DSCAM: variants seen among roughly 807,000 people sequenced by gnomAD.
DSCAM encodes DS cell adhesion molecule, also known as cell adhesion molecule DSCAM.
DSCAM carries 47 observed loss-of-function variants against 217.7 expected under a neutral mutation model. That is an observed-to-expected ratio of 0.22 (90% confidence interval 0.17 to 0.28). The LOEUF (loss-of-function observed/expected upper bound fraction) is 0.28, where lower values mean the gene tolerates loss of function less well. DSCAM is among the 10% of genes least tolerant of loss of function. The pLI is 1.00. For synonymous variants in DSCAM, 1,056 were observed against 1,015.3 expected, an observed-to-expected ratio of 1.04 and a Z score of -0.76; for missense variants, 2,080 against 2,618.3, an observed-to-expected ratio of 0.79 and a Z score of 4.49.
intron 3 of DSCAM, among the ~76,000 whole-genome samples, chr21:40,689,985 G>C (rs548310784): frequency 6.6e-6 from 1 of 152,292 alleles, no homozygotes; most frequent in Non-Finnish European, 1.5e-5. Flanking sequence ...TGTGGAGGGA[G>C]GGAGGGTCTT....
rs1287175782 is a variant in DSCAM at position 40,142,651 on chromosome 21, T to C, written c.3313A>G (p.Ile1105Val). 14 of 1,614,112 alleles carry C rather than the reference T, an allele frequency of 8.7e-6. No homozygotes were observed. The highest frequency in any genetic ancestry group is 4.5e-5 in the East Asian group (2 of 44,904). ...GAAAGTGTGGACCAGGATATTGATA[T>C]GCTTTCTGGTGATGTTGCTATGGCT... Reference protein sequence around the residue: ...VQAIATSPESISISWSTLSKE... With the variant: ...VQAIATSPESVSISWSTLSKE... The change falls in exon 18 of 33, where the codon ATA (isoleucine) becomes GTA (valine). Residue 1105 changes from isoleucine (I) to valine (V), a missense_variant. By Grantham distance (29) the Ile-to-Val change is conservative (BLOSUM62 3). Transcript: ENST00000400454.
chr21:40,135,743 A>G (rs2090201346), intron 18 of DSCAM, among the ~76,000 whole-genome samples: 1 of 152,234 alleles, frequency 6.6e-6, no homozygotes. Context: ...TCACAAATGA[A>G]TAGCCATGTA....
intron 3 of DSCAM, among the ~76,000 whole-genome samples, chr21:40,402,465 T>G (rs766939343): frequency 3.9e-5 from 6 of 152,130 alleles, no homozygotes. Flanking sequence ...AGTATCTGCC[T>G]AGGGAAAAAG....
chr21:40,471,995 C>G (rs909358198), intron 3 of DSCAM, among the ~76,000 whole-genome samples: 3 of 152,126 alleles, frequency 2.0e-5, no homozygotes, highest in African/African-American at 4.8e-5. Flanking sequence ...TTCCTGTGTG[C>G]AAGTGTTCTC....
At chr21:40,579,344 T>C (rs1387764951) in intron 3 of DSCAM, among the ~76,000 whole-genome samples, 1 of 151,876 alleles carries the variant, frequency 6.6e-6, no homozygotes, top group Non-Finnish European at 1.5e-5. Context: ...AAAAAGCTGA[T>C]TTGATGAAAT....
chr21:40,704,565 T>A (rs540374491), intron 2 of DSCAM, among the ~76,000 whole-genome samples: 3 of 151,888 alleles, frequency 2.0e-5, no homozygotes, highest in East Asian at 1.9e-4. Context: ...TTTTTTTTTT[T>A]AAAGAATTAG....
At chr21:40,538,678 G>T (rs1360047032) in intron 3 of DSCAM, among the ~76,000 whole-genome samples, 1 of 152,068 alleles carries the variant, frequency 6.6e-6, no homozygotes, top group Non-Finnish European at 1.5e-5. Flanking sequence ...TTTCCTCCCA[G>T]TGTGGTCCTT....
At chr21:40,325,175 T>C (rs1259933991) in intron 8 of DSCAM, among the ~76,000 whole-genome samples, 1 of 152,128 alleles carries the variant, frequency 6.6e-6, no homozygotes, top group African/African-American at 2.4e-5. Flanking sequence ...AGTGCTGAAA[T>C]ATGTTACAGT....
intron 18 of DSCAM, among the ~76,000 whole-genome samples, chr21:40,135,781 T>C (rs2090201832): frequency 6.6e-6 from 1 of 152,238 alleles, no homozygotes; most frequent in Non-Finnish European, 1.5e-5. Flanking sequence ...CTGTGGAACA[T>C]CTTTTGTTCA....
At chr21:40,643,350 C>A (rs1168558462) in intron 3 of DSCAM, among the ~76,000 whole-genome samples, 1 of 152,114 alleles carries the variant, frequency 6.6e-6, no homozygotes. Flanking sequence ...TGTTTGAGAA[C>A]AGAAATTTTG....
At chr21:40,110,785 T>C (rs1269883593) in intron 20 of DSCAM, among the ~76,000 whole-genome samples, 1 of 152,178 alleles carries the variant, frequency 6.6e-6, no homozygotes, top group South Asian at 2.1e-4. Flanking sequence ...CCTCAGTAGC[T>C]GATTCAATCA....
intron 10 of DSCAM, among the ~76,000 whole-genome samples, chr21:40,292,436 A>G (rs1330551343): frequency 6.6e-6 from 1 of 152,058 alleles, no homozygotes; most frequent in African/African-American, 2.4e-5. Flanking sequence ...CTTAAGAAAT[A>G]GATTTACTGC....
At position 40,223,444 on chromosome 21, in the gene DSCAM, A is replaced by G. The variant is rs542998482; in HGVS notation, c.2357-34206T>C. On this transcript the variant is annotated intron_variant, in intron 11 of 32. Transcript: ENST00000400454. ...ACATTCTTTTCTTGCAGCATGACAT[A>G]TGGGCTTCCTAAACACAGGTAAAAA... Among the ~76,000 whole-genome samples the G allele has an allele frequency of 8.5e-5, 13 of 152,326 alleles. No homozygotes were observed. The East Asian group carries it at 1.9e-3, about 23-fold the overall frequency.
At chr21:40,354,705 T>C (rs1047064161) in intron 4 of DSCAM, among the ~76,000 whole-genome samples, 1 of 151,448 alleles carries the variant, frequency 6.6e-6, no homozygotes, top group African/African-American at 2.4e-5. Context: ...AAAAATTAGC[T>C]GGGTGTGGTG....
At chr21:40,588,044 C>A (rs1003002094) in intron 3 of DSCAM, among the ~76,000 whole-genome samples, 3 of 152,124 alleles carry the variant, frequency 2.0e-5, no homozygotes, top group African/African-American at 7.2e-5. Context: ...CAGAGATTTG[C>A]AAAATTGGTA....
chr21:40,376,088 T>A (rs2074947172), intron 3 of DSCAM, among the ~76,000 whole-genome samples: 1 of 152,158 alleles, frequency 6.6e-6, no homozygotes. Flanking sequence ...TTAGAGCTCT[T>A]GTTGTTGTGT....
At chr21:40,359,952 A>G (rs2074739651) in intron 4 of DSCAM, among the ~76,000 whole-genome samples, 2 of 152,174 alleles carry the variant, frequency 1.3e-5, no homozygotes, top group Admixed American at 6.5e-5. Flanking sequence ...CTACCTCTCA[A>G]CAAAACTGTT....
At chr21:40,517,018 T>C (rs936433837) in intron 3 of DSCAM, among the ~76,000 whole-genome samples, 1 of 147,436 alleles carries the variant, frequency 6.8e-6, no homozygotes, top group Non-Finnish European at 1.5e-5. Flanking sequence ...ATACCTTACA[T>C]ACTAACATAT....
intron 32 of DSCAM, among the ~76,000 whole-genome samples, chr21:40,022,342 C>T (rs1443348676): frequency 3.3e-5 from 5 of 152,144 alleles, no homozygotes; most frequent in African/African-American, 7.2e-5. Flanking sequence ...GCCCCTGCCA[C>T]GAAGAATGAT....
Sources: allele counts gnomAD v4.1 joint callset (sites outside exome capture counted in the v4.1 genomes callset), GRCh38; gene constraint gnomAD v4.1.1; transcripts MANE v1.5; gene names NCBI Gene and HGNC (gene_info 2026-07-23, HGNC 2026-07-21).